The following NCOA2 variants were observed in gnomAD, a reference collection of about 807,000 sequenced individuals.
NCOA2 encodes nuclear receptor coactivator 2.
A neutral mutation model predicts 145.1 loss-of-function variants in NCOA2; 21 were observed. That is an observed-to-expected ratio of 0.14 (90% CI 0.10 to 0.21). The LOEUF (loss-of-function observed/expected upper bound fraction) is 0.21, where lower values mean the gene tolerates loss of function less well. Among genes scored for constraint, NCOA2 ranks in the 10% least tolerant of loss-of-function variants. NCOA2 has a pLI of 1.00. For synonymous variants in NCOA2, 619 were observed against 637.5 expected (o/e 0.97, Z 0.44); for missense variants, 1,472 against 1,837.6 (o/e 0.80, Z 3.64).
chr8:70,337,321 T>C (rs2136398268), intron 1 of NCOA2, among the ~76,000 whole-genome samples: 1 of 152,176 alleles, frequency 6.6e-6, no homozygotes, highest in African/African-American at 2.4e-5. Flanking sequence ...CAAGGTCCCT[T>C]GTCTGGTCAG....
intron 4 of NCOA2, among the ~76,000 whole-genome samples, chr8:70,176,485 A>G (rs892306780): frequency 6.6e-6 from 1 of 151,998 alleles, no homozygotes; most frequent in Non-Finnish European, 1.5e-5. Flanking sequence ...TCTCATTCCA[A>G]TTCCTCAGCC....
chr8:70,146,302 G>C (rs1811057215), intron 12 of NCOA2, among the ~76,000 whole-genome samples: 1 of 152,138 alleles, frequency 6.6e-6, no homozygotes, highest in Non-Finnish European at 1.5e-5. Context: ...TAGTTGACAA[G>C]AATTTATTGT....
intron 18 of NCOA2, among the ~76,000 whole-genome samples, chr8:70,127,574 AAG>A (rs1808574527): frequency 6.6e-6 from 1 of 152,220 alleles, no homozygotes; most frequent in Admixed American, 6.5e-5. Flanking sequence ...AGAGGGAGGA[AAG>A]GCAGGATGGA....
chr8:70,399,211 G>A (rs1813991164), intron 1 of NCOA2, among the ~76,000 whole-genome samples: 1 of 152,122 alleles, frequency 6.6e-6, no homozygotes, highest in Non-Finnish European at 1.5e-5. Context: ...AGAGTAATAT[G>A]ACATATTCTT....
intron 4 of NCOA2, among the ~76,000 whole-genome samples, chr8:70,182,252 T>A (rs561741978): frequency 2.0e-5 from 3 of 152,224 alleles, no homozygotes; most frequent in Non-Finnish European, 4.4e-5. Flanking sequence ...TGCCTCCCTC[T>A]TTTTCTGACA....
At chr8:70,378,308 T>C (rs1265009273) in intron 1 of NCOA2, among the ~76,000 whole-genome samples, 1 of 151,936 alleles carries the variant, frequency 6.6e-6, no homozygotes, top group Non-Finnish European at 1.5e-5. Context: ...AAAAAGAAAA[T>C]ATTATTTTAA....
chr8:70,167,597 T>C (rs1422190419), intron 6 of NCOA2, among the ~76,000 whole-genome samples: 1 of 152,254 alleles, frequency 6.6e-6, no homozygotes, highest in Non-Finnish European at 1.5e-5. Flanking sequence ...AGTTGTTCAG[T>C]GGTAGTCTTT....
chr8:70,155,739 T>C (rs1161886262), intron 11 of NCOA2, among the ~76,000 whole-genome samples: 1 of 152,200 alleles, frequency 6.6e-6, no homozygotes, highest in African/African-American at 2.4e-5. Flanking sequence ...AAGCCTAAAA[T>C]ACTTACATTT....
chr8:70,331,307 GA>G (rs1807077264), intron 1 of NCOA2, among the ~76,000 whole-genome samples: 1 of 152,030 alleles, frequency 6.6e-6, no homozygotes, highest in South Asian at 2.1e-4. Flanking sequence ...CACATAATCA[GA>G]AAAGTAATCA....
At position 70,113,405 on chromosome 8, in the gene NCOA2, A is replaced by G; in HGVS notation, c.*227T>C. ...GCACTAAGGTGAATGCAGTGAACAG[A>G]CTGAGCGACTGTCTGGATGCGAGCT... On this transcript the variant is annotated 3_prime_UTR_variant, in exon 23 of 23. Coordinates refer to ENST00000452400, the MANE Select transcript of NCOA2 (RefSeq NM_006540.4). The G allele has an allele frequency of 1.7e-6, 1 of 593,288 alleles. No homozygotes were observed. Among genetic ancestry groups the G allele is most frequent in the Non-Finnish European group, 3.0e-6 (1 of 331,786 alleles). 36.8% of individuals were successfully genotyped at this position (593,288 alleles called of 1,614,324 possible). A position where few individuals can be genotyped will look rare whatever the true frequency, so the allele number is the denominator to read the frequency against.
At chr8:70,369,648 A>G (rs1326279065) in intron 1 of NCOA2, among the ~76,000 whole-genome samples, 1 of 152,134 alleles carries the variant, frequency 6.6e-6, no homozygotes, top group Non-Finnish European at 1.5e-5. Context: ...GATTAATTTG[A>G]GATATCACCA....
intron 2 of NCOA2, among the ~76,000 whole-genome samples, chr8:70,255,106 A>G (rs2134862857): frequency 6.6e-6 from 1 of 152,336 alleles, no homozygotes; most frequent in South Asian, 2.1e-4. Flanking sequence ...TCTGACCCAT[A>G]AGGAGAGAAG....
At chr8:70,417,575 A>C in the NCOA2 span, among the ~76,000 whole-genome samples, 1 of 151,990 alleles carries the variant, frequency 6.6e-6, no homozygotes, top group Admixed American at 6.6e-5. Flanking sequence ...AAACAAACAA[A>C]CAAACAAACA....
At chr8:70,241,627 T>C (rs1234931723) in intron 2 of NCOA2, among the ~76,000 whole-genome samples, 1 of 152,180 alleles carries the variant, frequency 6.6e-6, no homozygotes, top group Non-Finnish European at 1.5e-5. Flanking sequence ...GAACCCAGCA[T>C]CATCTGAACT....
At chr8:70,379,730 A>AT (rs984722496) in intron 1 of NCOA2, among the ~76,000 whole-genome samples, 2 of 152,112 alleles carry the variant, frequency 1.3e-5, no homozygotes. Flanking sequence ...CAGGATTGAG[A>AT]TTTTTTTAAA....
intron 1 of NCOA2, among the ~76,000 whole-genome samples, chr8:70,381,165 G>A (rs763177160): frequency 1.3e-5 from 2 of 151,874 alleles, no homozygotes; most frequent in East Asian, 1.9e-4. Context: ...ATAGATGACC[G>A]GTTCATGGGC....
chr8:70,380,629 T>C (rs909327181), intron 1 of NCOA2, among the ~76,000 whole-genome samples: 1 of 152,166 alleles, frequency 6.6e-6, no homozygotes, highest in Non-Finnish European at 1.5e-5. Flanking sequence ...GTTACTGGTA[T>C]TCATTCTGTA....
chr8:70,180,553 C>G (rs1293409877), intron 4 of NCOA2, among the ~76,000 whole-genome samples: 1 of 152,034 alleles, frequency 6.6e-6, no homozygotes, highest in Non-Finnish European at 1.5e-5. Context: ...CGTGCTTTCT[C>G]TTAGAACAAA....
intron 10 of NCOA2, among the ~76,000 whole-genome samples, chr8:70,159,221 A>G (rs572483226): frequency 3.8e-5 from 1 of 26,578 alleles, no homozygotes; most frequent in African/African-American, 1.4e-4. Context: ...ACAGTATAAC[A>G]TTATATATAT....
Sources: gnomAD v4.1 joint callset for allele counts (sites outside exome capture counted in the v4.1 genomes callset) on GRCh38, gnomAD v4.1.1 for gene constraint, MANE v1.5 for transcripts, NCBI Gene and HGNC (gene_info 2026-07-23, HGNC 2026-07-21) for gene names.